AJAP1: variants seen among roughly 807,000 people sequenced by gnomAD.
The protein encoded by AJAP1 is adherens junctions associated protein 1.
A neutral mutation model predicts 35.0 loss-of-function variants in AJAP1; 5 were observed. The ratio of observed to expected loss-of-function variants is 0.14; its 90% CI spans 0.07 to 0.30. The LOEUF (loss-of-function observed/expected upper bound fraction) is 0.30, where lower values mean the gene tolerates loss of function less well. Among genes scored for constraint, AJAP1 ranks in the 10% least tolerant of loss-of-function variants. The pLI is 1.00. For synonymous variants in AJAP1, 284 were observed against 249.3 expected (o/e 1.14, Z -1.31); for missense variants, 586 against 571.0 (o/e 1.03, Z -0.27).
In AJAP1 at chr1:4,784,631, T is replaced by G. The variant is rs1172236117; in HGVS notation, c.*2146T>G. 2 of 152,242 alleles carry G rather than the reference T, an allele frequency of 1.3e-5. No individual in the cohort carries two copies. The highest frequency in any genetic ancestry group is 2.9e-5 in the Non-Finnish European group (2 of 68,050). 9.4% of individuals were successfully genotyped at this position (152,242 alleles called of 1,614,324 possible). On this transcript the variant is annotated 3_prime_UTR_variant, in exon 6 of 6. Transcript: ENST00000378191. Reference sequence around the variant, plus strand: ...GCCTCCGGAGGTGAAAGGATTGTTTTTGTGATGCAGCAGTGTTGAGATCTG... The same window carrying G: ...GCCTCCGGAGGTGAAAGGATTGTTTGTGTGATGCAGCAGTGTTGAGATCTG...
intron 2 of AJAP1, among the ~76,000 whole-genome samples, chr1:4,728,417 A>G (rs1029337152): frequency 5.3e-5 from 8 of 152,092 alleles, no homozygotes; most frequent in Non-Finnish European, 7.4e-5. Context: ...ATGCACTCAC[A>G]CTGCCACAGC....
chr1:4,677,536 A>G (rs201024146), intron 1 of AJAP1, among the ~76,000 whole-genome samples: 3 of 151,760 alleles, frequency 2.0e-5, no homozygotes, highest in Admixed American at 6.6e-5. Context: ...CTCTGGGTCC[A>G]CTCTGTGACG....
chr1:4,664,163 C>T (rs573917066), intron 1 of AJAP1, among the ~76,000 whole-genome samples: 1 of 152,294 alleles, frequency 6.6e-6, no homozygotes, highest in African/African-American at 2.4e-5. Context: ...AAGTAAATAG[C>T]AGAGCCCGCA....
intron 2 of AJAP1, among the ~76,000 whole-genome samples, chr1:4,754,544 G>T (rs1641386249): frequency 6.6e-6 from 1 of 152,178 alleles, no homozygotes; most frequent in South Asian, 2.1e-4. Context: ...ACCATGGATG[G>T]CTTCCTGGCC....
At chr1:4,770,078 C>A in intron 3 of AJAP1, 138 bp downstream of exon 3, 1 of 769,458 alleles carries the variant, frequency 1.3e-6, no homozygotes, top group Non-Finnish European at 2.2e-6. Flanking sequence ...CTGCCACAGG[C>A]TGCTCACCGT....
At chr1:4,761,777 C>G (rs12063192) in intron 2 of AJAP1, among the ~76,000 whole-genome samples, 2,054 of 152,292 alleles carry the variant, frequency 0.013, 46 homozygotes, top group African/African-American at 0.046. Flanking sequence ...AAGCATCCAA[C>G]ATGGGAGAAA....
intron 2 of AJAP1, among the ~76,000 whole-genome samples, chr1:4,743,200 A>G (rs1402900895): frequency 1.3e-5 from 2 of 152,172 alleles, no homozygotes; most frequent in Non-Finnish European, 2.9e-5. Flanking sequence ...GGGGCCCCAC[A>G]GAGTGATTTT....
At chr1:4,695,260 G>A (rs1213588357) in intron 1 of AJAP1, among the ~76,000 whole-genome samples, 1 of 152,182 alleles carries the variant, frequency 6.6e-6, no homozygotes, top group African/African-American at 2.4e-5. Flanking sequence ...GGGCTGCGAT[G>A]GCTGGAGGCT....
At chr1:4,701,113 A>G (rs1286012209) in intron 1 of AJAP1, among the ~76,000 whole-genome samples, 1 of 152,204 alleles carries the variant, frequency 6.6e-6, no homozygotes, top group East Asian at 1.9e-4. Context: ...TCCTCCAAGC[A>G]CCTGCGAAGG....
At chr1:4,671,903 C>T (rs1169159386) in intron 1 of AJAP1, among the ~76,000 whole-genome samples, 2 of 152,194 alleles carry the variant, frequency 1.3e-5, no homozygotes, top group South Asian at 2.1e-4. Context: ...GGTGTCCCCA[C>T]TGCTCTCAGG....
At chr1:4,672,498 C>T (rs1639271559) in intron 1 of AJAP1, among the ~76,000 whole-genome samples, 1 of 152,126 alleles carries the variant, frequency 6.6e-6, no homozygotes, top group African/African-American at 2.4e-5. Flanking sequence ...CTTGGGGATC[C>T]CAGGACCACA....
intron 5 of AJAP1, among the ~76,000 whole-genome samples, chr1:4,776,849 C>G (rs1177182583): frequency 6.6e-6 from 1 of 152,228 alleles, no homozygotes; most frequent in Non-Finnish European, 1.5e-5. Flanking sequence ...GACCCCCTCC[C>G]TGTGGCTCTC....
chr1:4,714,598 T>A (rs1640346197), intron 2 of AJAP1, among the ~76,000 whole-genome samples: 2 of 152,232 alleles, frequency 1.3e-5, no homozygotes, highest in Non-Finnish European at 2.9e-5. Context: ...CTAATCCATC[T>A]CGACAGATGC....
At chr1:4,685,660 C>G (rs1639588348) in intron 1 of AJAP1, among the ~76,000 whole-genome samples, 1 of 100 alleles carries the variant, frequency 0.01, no homozygotes, top group South Asian at 0.5. Context: ...AAGACCCTGC[C>G]CCAGCGAAGG....
chr1:4,691,349 C>T (rs1290972192), intron 1 of AJAP1, among the ~76,000 whole-genome samples: 1 of 152,204 alleles, frequency 6.6e-6, no homozygotes, highest in Non-Finnish European at 1.5e-5. Context: ...CACTGACCGC[C>T]TCCCTTTGTC....
intron 2 of AJAP1, among the ~76,000 whole-genome samples, chr1:4,767,342 C>A (rs1367145002): frequency 1.3e-5 from 2 of 151,816 alleles, no homozygotes; most frequent in Non-Finnish European, 2.9e-5. Flanking sequence ...ATTACCATCA[C>A]CATCATTATC....
chr1:4,750,479 G>A (rs1641296855), intron 2 of AJAP1, among the ~76,000 whole-genome samples: 1 of 152,194 alleles, frequency 6.6e-6, no homozygotes, highest in Non-Finnish European at 1.5e-5. Context: ...AGTGCATGTG[G>A]CAGCCACAGC....
rs559403802 is a variant in AJAP1 at position 4,726,107 on chromosome 1, G to A, written c.829+13408G>A. The stretch of plus-strand genomic sequence containing the variant: ...GTCCTTGCGGGATGGGGGAGGAAAT[G>A]GAGCTCCATCGCCAGCCCCGCATAG... On this transcript the variant is annotated intron_variant, in intron 2 of 5. Transcript: ENST00000378191. Among the ~76,000 whole-genome samples the A allele has an allele frequency of 9.4e-5, 14 of 148,376 alleles. No individual in the cohort carries two copies. In the South Asian group the frequency reaches 2.6e-3, roughly 27 times the overall value.
rs1642122274 is a variant in AJAP1 at position 4,784,129 on chromosome 1, CA to C, written c.*1645del. ...AAACAGGGGCCCCAGACCTGAGCCT[CA>C]GTACAGAGAATCCCAACCACACACA... On this transcript the variant is annotated 3_prime_UTR_variant, in exon 6 of 6. Transcript: ENST00000378191. 2 of 152,202 alleles carry C rather than the reference CA, an allele frequency of 1.3e-5. No homozygotes were observed. The highest frequency in any genetic ancestry group is 4.8e-5 in the African/African-American group (2 of 41,436). The allele number at this position is 152,202 out of a possible 1,614,324, so 9.4% of individuals were successfully genotyped here.
Sources: gnomAD v4.1 joint callset for allele counts (sites outside exome capture counted in the v4.1 genomes callset) on GRCh38, gnomAD v4.1.1 for gene constraint, MANE v1.5 for transcripts, NCBI Gene and HGNC (gene_info 2026-07-23, HGNC 2026-07-21) for gene names.